The following CD163L1 variants were observed in gnomAD, a reference collection of about 807,000 sequenced individuals.
CD163L1 encodes the protein CD163 molecule like 1.
In CD163L1, 124 loss-of-function variants were observed where a neutral mutation model predicts 165.4. The observed-to-expected ratio is 0.75, with a 90% confidence interval of 0.65 to 0.87. CD163L1 has a LOEUF of 0.87. Among genes scored for constraint, CD163L1 ranks in the 40% least tolerant of loss-of-function variants. CD163L1 has a pLI of 0.00. For missense variants in CD163L1, 1,525 were observed against 1,799.9 expected (o/e 0.85, Z 2.76); for synonymous variants, 585 against 662.2 (o/e 0.88, Z 1.79).
At position 7,432,832 on chromosome 12, in the gene CD163L1, G is replaced by A; in HGVS notation, c.446-96C>T. 1 of 1,027,322 alleles carries A rather than the reference G, an allele frequency of 9.7e-7. No individual in the cohort carries two copies. Among genetic ancestry groups the A allele is most frequent in the Admixed American group, 3.0e-5 (1 of 33,802 alleles). The allele number at this position is 1,027,322 out of a possible 1,614,324, so 63.6% of individuals were successfully genotyped here. ...CGTAGAAGACAGCCCTGTTATGAATGAAGTTACCAAAAATTAAAAAAAAAT... is the reference window on the plus strand; with the variant it reads ...CGTAGAAGACAGCCCTGTTATGAATAAAGTTACCAAAAATTAAAAAAAAAT... On this transcript the variant is annotated intron_variant, in intron 3 of 19. Transcript: ENST00000313599. This position sits in a 1 kb window ranked among gnomAD's most constrained non-coding sequence, Gnocchi z 4.2.
rs115995495 is a variant in CD163L1, at chr12:7,398,029, T to C, written c.1729+235A>G. ...AAGTTAAAAGGCCAAACTGCTTCTG[T>C]ATATGGTAGGGGAAGGGATCCAAAG... On this transcript the variant is annotated intron_variant, in intron 7 of 19. Transcript: ENST00000313599. This position sits in a 1 kb window ranked among gnomAD's most constrained non-coding sequence, Gnocchi z 4.5. Among the ~76,000 whole-genome samples the C allele has an allele frequency of 2.2e-4, 33 of 152,266 alleles. No homozygotes were observed. Among genetic ancestry groups the C allele is most frequent in the African/African-American group, 7.9e-4 (33 of 41,548 alleles).
chr12:7,439,147 A>C (rs755522109), intron 2 of CD163L1: 2 of 1,577,712 alleles, frequency 1.3e-6, no homozygotes, highest in East Asian at 2.2e-5. Flanking sequence ...TGCTGTCGGA[A>C]TGTAGCCCTT....
chr12:7,432,106 A>T lies in CD163L1; in HGVS notation c.766+310T>A, dbSNP rs760298793. ...AAGAATGAGTGACCTCAGAGAAAGAAGGGAAAAATATGATATTGTGTCAAG... is the reference window on the plus strand; with the variant it reads ...AAGAATGAGTGACCTCAGAGAAAGATGGGAAAAATATGATATTGTGTCAAG... On this transcript the variant is annotated intron_variant, in intron 4 of 19. Transcript: ENST00000313599. This position sits in a 1 kb window ranked among gnomAD's most constrained non-coding sequence, Gnocchi z 4.2. Among the ~76,000 whole-genome samples the T allele has an allele frequency of 6.6e-6, 1 of 152,326 alleles. No individual in the cohort carries two copies. Among genetic ancestry groups the T allele is most frequent in the South Asian group, 2.1e-4 (1 of 4,820 alleles).
Position 7,357,451 on chromosome 12 carries a change from C to T in CD163L1, c.4315G>A (p.Asp1439Asn), listed in dbSNP as rs558582662. 111 of 1,612,506 alleles carry T rather than the reference C, an allele frequency of 6.9e-5. No homozygotes were observed. Among genetic ancestry groups the T allele is most frequent in the Middle Eastern group, 1.6e-4 (1 of 6,066 alleles). Residue 1439 changes from aspartate (D) to asparagine (N), a missense_variant, in exon 19 of 20, where the codon GAC (aspartate) becomes AAC (asparagine). Asp to Asn is a conservative substitution (Grantham distance 23). Coordinates refer to ENST00000313599, the MANE Select transcript of CD163L1 (RefSeq NM_174941.6). ...GGAAGAACTCCCAACAGCGATGTGT[C>T]GCTAGCATCTTCACAACCATGGTTG... ...TPNHGCEDAS[D>N]TSLLGVLPAS...
intron 8 of CD163L1, among the ~76,000 whole-genome samples, chr12:7,387,899 C>T (rs757681644): frequency 4.6e-5 from 7 of 152,142 alleles, no homozygotes; most frequent in Non-Finnish European, 7.4e-5. Flanking sequence ...GCTACAGTAA[C>T]CAAAACAGCC....
At chr12:7,434,849 G>A (rs1948694485) in intron 2 of CD163L1, among the ~76,000 whole-genome samples, 1 of 152,182 alleles carries the variant, frequency 6.6e-6, no homozygotes, top group Admixed American at 6.5e-5. Context: ...TTCTGAAAGT[G>A]GATTGTGAGT....
Position 7,369,498 on chromosome 12 carries a change from A to C in CD163L1, c.3898T>G (p.Ser1300Ala). 1 of 1,614,156 alleles carries C rather than the reference A, an allele frequency of 6.2e-7. No individual in the cohort carries two copies. The highest frequency in any genetic ancestry group is 8.5e-7 in the Non-Finnish European group (1 of 1,180,026). Residue 1300 changes from serine (S) to alanine (A), a missense_variant, in exon 15 of 20, where the codon TCG becomes GCG. By Grantham distance (99) the Ser-to-Ala change is moderately conservative. Transcript: ENST00000313599. This position sits in a 1 kb window ranked among gnomAD's most constrained non-coding sequence, Gnocchi z 4.9. The stretch of plus-strand genomic sequence containing the variant: ...ATGGTTCCAGTTCCCTGGCCAAACG[A>C]AGCGTCCCTCAGGGCAGCCAGAGCA... ...GSALAALRDA[S>A]FGQGTGTIWL...
intron 2 of CD163L1, among the ~76,000 whole-genome samples, chr12:7,437,826 AAT>A (rs1413852563): frequency 6.6e-6 from 1 of 151,732 alleles, no homozygotes; most frequent in East Asian, 1.9e-4. Flanking sequence ...TCAACCATAT[AAT>A]AATTCACAAA....
At chr12:7,327,020 C>T in the CD163L1 span, 1 of 1,612,764 alleles carries the variant, frequency 6.2e-7, no homozygotes, top group South Asian at 1.1e-5. Context: ...TTAAGTCCTA[C>T]AACCCAGAGA....
chr12:7,339,741 T>C, the CD163L1 span, among the ~76,000 whole-genome samples: 1 of 152,176 alleles, frequency 6.6e-6, no homozygotes, highest in Non-Finnish European at 1.5e-5. Context: ...TTGAAAAGTT[T>C]CTTTTGCCAT....
intron 4 of CD163L1, among the ~76,000 whole-genome samples, chr12:7,411,872 T>C (rs924232823): frequency 1.3e-5 from 2 of 152,232 alleles, no homozygotes; most frequent in African/African-American, 2.4e-5. Context: ...GGAGGAAAAT[T>C]TGTGTTGACT....
chr12:7,418,098 C>T (rs914301501), intron 4 of CD163L1, among the ~76,000 whole-genome samples: 4 of 152,030 alleles, frequency 2.6e-5, no homozygotes, highest in Non-Finnish European at 5.9e-5. Context: ...TTCATCAGCA[C>T]ATGGAATATT....
chr12:7,354,504 T>C (rs1311791874), downstream of CD163L1, among the ~76,000 whole-genome samples: 1 of 152,166 alleles, frequency 6.6e-6, no homozygotes, highest in African/African-American at 2.4e-5. Context: ...AGAACAGCCA[T>C]AAGTCAGCCT....
chr12:7,352,104 T>A (rs147957022), downstream of CD163L1, among the ~76,000 whole-genome samples: 1 of 152,036 alleles, frequency 6.6e-6, no homozygotes, highest in African/African-American at 2.4e-5. Flanking sequence ...TATTAGCAAT[T>A]GATGGTATAT....
chr12:7,343,439 G>A (rs1235056302), downstream of CD163L1, among the ~76,000 whole-genome samples: 1 of 152,194 alleles, frequency 6.6e-6, no homozygotes, highest in Non-Finnish European at 1.5e-5. Context: ...ATTACCTCAT[G>A]GTTCTGCAGG....
rs770502435 is a variant in CD163L1 at position 7,369,504 on chromosome 12, C to G, written c.3892G>C (p.Asp1298His). 1.4e-5 allele frequency: 22 copies of G among 1,614,050 alleles called. No homozygotes were observed. In the Admixed American group the frequency reaches 1.8e-4, roughly 13 times the overall value. ...CCAGTTCCCTGGCCAAACGAAGCGTCCCTCAGGGCAGCCAGAGCAGAGCCA... is the reference window on the plus strand; with the variant it reads ...CCAGTTCCCTGGCCAAACGAAGCGTGCCTCAGGGCAGCCAGAGCAGAGCCA... ...GCGSALAALR[D>H]ASFGQGTGTI... The change falls in exon 15 of 20, where the codon GAC becomes CAC. Residue 1298 changes from aspartate to histidine, a missense_variant. Asp to His is a moderately conservative substitution (Grantham distance 81). Coordinates refer to ENST00000313599, the MANE Select transcript of CD163L1 (RefSeq NM_174941.6). The surrounding 1 kb of genome is among the most constrained non-coding windows in gnomAD (Gnocchi z 4.9).
the CD163L1 span, among the ~76,000 whole-genome samples, chr12:7,337,628 C>T: frequency 2.0e-5 from 3 of 152,124 alleles, no homozygotes; most frequent in Admixed American, 6.6e-5. Context: ...TACCATCCCA[C>T]GCCAGTTAGA....
At chr12:7,330,940 A>G in the CD163L1 span, among the ~76,000 whole-genome samples, 1 of 152,348 alleles carries the variant, frequency 6.6e-6, no homozygotes, top group East Asian at 1.9e-4. Flanking sequence ...CAGTGGGTGC[A>G]GGACAGTGGG....
In CD163L1 at chr12:7,366,657, A is replaced by T. The variant is rs750530632; in HGVS notation, c.4279+579T>A. Among the ~76,000 whole-genome samples, 371 of 152,304 alleles carry T rather than the reference A, an allele frequency of 2.4e-3. 3 individuals carry two copies. Among genetic ancestry groups the T allele is most frequent in the African/African-American group, 8.6e-3 (359 of 41,586 alleles). On this transcript the variant is annotated intron_variant, in intron 18 of 19. Transcript: ENST00000313599. ...TATTCAGTAAAATACATTCTCATTT[A>T]TAACTCAGAGGAGTAAAATTTGTTA...
Sources: allele counts gnomAD v4.1 joint callset (sites outside exome capture counted in the v4.1 genomes callset), GRCh38; gene constraint gnomAD v4.1.1; non-coding constraint Gnocchi (gnomAD v3.1); transcripts MANE v1.5; gene names NCBI Gene and HGNC (gene_info 2026-07-23, HGNC 2026-07-21).